The following LSAMP variants were observed in gnomAD, a reference collection of about 807,000 sequenced individuals.
LSAMP encodes the protein limbic system-associated membrane protein.
In LSAMP, 7 loss-of-function variants were observed where a neutral mutation model predicts 38.6. The ratio of observed to expected loss-of-function variants is 0.18; its 90% CI spans 0.10 to 0.34. The LOEUF is 0.34. LSAMP is among the 10% of genes least tolerant of loss of function. LSAMP has a pLI of 1.00. For missense variants in LSAMP, 313 were observed against 420.0 expected (o/e 0.75, Z 2.23); for synonymous variants, 154 against 166.8 (o/e 0.92, Z 0.59).
intron 3 of LSAMP, among the ~76,000 whole-genome samples, chr3:116,002,989 G>A (rs996021475): frequency 6.6e-6 from 1 of 152,146 alleles, no homozygotes; most frequent in Non-Finnish European, 1.5e-5. Context: ...ATTGTTAACT[G>A]TGATAGTATT....
intron 1 of LSAMP, among the ~76,000 whole-genome samples, chr3:116,319,326 T>C (rs2047676197): frequency 6.6e-6 from 1 of 152,220 alleles, no homozygotes; most frequent in African/African-American, 2.4e-5. Context: ...TTGGAGTGAT[T>C]AGTTTCACTA....
intron 1 of LSAMP, among the ~76,000 whole-genome samples, chr3:116,187,857 C>A (rs1710658255): frequency 6.6e-6 from 1 of 152,014 alleles, no homozygotes; most frequent in African/African-American, 2.4e-5. Context: ...AAACTTGTGT[C>A]ATGGGGGTTT....
intron 2 of LSAMP, among the ~76,000 whole-genome samples, chr3:116,023,679 A>C: frequency 6.6e-6 from 1 of 151,042 alleles, no homozygotes; most frequent in Non-Finnish European, 1.5e-5. Context: ...CACATTCACC[A>C]CACTACAATC....
rs1249541875 is a variant in LSAMP at position 115,807,885 on chromosome 3, T to A, written c.*2432A>T. The A allele has an allele frequency of 6.6e-6, 1 of 152,188 alleles. No individual in the cohort carries two copies. The highest frequency in any genetic ancestry group is 1.5e-5 in the Non-Finnish European group (1 of 68,032). The allele number at this position is 152,188 out of a possible 1,614,324, so 9.4% of individuals were successfully genotyped here. On this transcript the variant is annotated 3_prime_UTR_variant, in exon 7 of 7. Coordinates refer to ENST00000490035, the MANE Select transcript of LSAMP (RefSeq NM_002338.5). ...TACCTTCTTGGATGAGAATTTGTTT[T>A]CTCTCCTATGTCAGAATCTGCTATA...
chr3:115,859,533 C>T (rs141375435), intron 3 of LSAMP, among the ~76,000 whole-genome samples: 1 of 152,128 alleles, frequency 6.6e-6, no homozygotes, highest in African/African-American at 2.4e-5. Flanking sequence ...GAAATGTTCC[C>T]TATTTGAATA....
intron 2 of LSAMP, among the ~76,000 whole-genome samples, chr3:116,070,816 G>T (rs1017158590): frequency 6.6e-6 from 1 of 152,020 alleles, no homozygotes; most frequent in African/African-American, 2.4e-5. Flanking sequence ...CAAGGTGGGC[G>T]GATCACCTGA....
chr3:115,997,753 T>TATATAC lies in LSAMP; in HGVS notation c.514+21761_514+21762insGTATAT, dbSNP rs1377845663. Among the ~76,000 whole-genome samples, 566 of 124,530 alleles carry TATATAC rather than the reference T, an allele frequency of 4.5e-3. 6 individuals are homozygous for TATATAC. Among genetic ancestry groups the TATATAC allele is most frequent in the African/African-American group, 7.7e-3 (242 of 31,458 alleles). 81.7% of individuals were successfully genotyped at this position (124,530 alleles called of 152,430 possible). On this transcript the variant is annotated intron_variant, in intron 3 of 6. Coordinates refer to ENST00000490035, the MANE Select transcript of LSAMP (RefSeq NM_002338.5). The stretch of plus-strand genomic sequence containing the variant: ...ATATATATATATATATATATATATA[T>TATATAC]ACACACACATACATACACACACATA...
At chr3:116,203,186 T>A (rs1172836341) in intron 1 of LSAMP, among the ~76,000 whole-genome samples, 1 of 152,198 alleles carries the variant, frequency 6.6e-6, no homozygotes, top group Non-Finnish European at 1.5e-5. Context: ...TTGAGCACGT[T>A]TGTCTTATTC....
chr3:116,089,721 C>T (rs967838794), intron 1 of LSAMP, among the ~76,000 whole-genome samples: 1 of 151,682 alleles, frequency 6.6e-6, no homozygotes, highest in African/African-American at 2.4e-5. Context: ...GAACACAATA[C>T]AGTATAGTGT....
intron 1 of LSAMP, among the ~76,000 whole-genome samples, chr3:116,242,334 T>C (rs1190949052): frequency 6.6e-6 from 1 of 152,144 alleles, no homozygotes; most frequent in Non-Finnish European, 1.5e-5. Flanking sequence ...ACAGCCAAAA[T>C]AGTTTAAAAA....
intron 1 of LSAMP, among the ~76,000 whole-genome samples, chr3:116,203,024 T>C (rs961480253): frequency 4.6e-5 from 7 of 152,240 alleles, no homozygotes; most frequent in Admixed American, 2.6e-4. Flanking sequence ...ATTTTAGAGG[T>C]TCTAAGAGTG....
intron 1 of LSAMP, among the ~76,000 whole-genome samples, chr3:116,239,115 GAATA>G (rs1298313224): frequency 6.6e-6 from 1 of 152,164 alleles, no homozygotes; most frequent in Non-Finnish European, 1.5e-5. Context: ...TCTAAGCCTA[GAATA>G]AAGAGAATCT....
At chr3:116,038,229 C>G (rs771411249) in intron 2 of LSAMP, among the ~76,000 whole-genome samples, 2 of 151,998 alleles carry the variant, frequency 1.3e-5, no homozygotes, top group African/African-American at 2.4e-5. Context: ...AACTTATAGG[C>G]CTTTACAAAT....
At chr3:116,047,833 T>C (rs1172222493) in intron 2 of LSAMP, among the ~76,000 whole-genome samples, 24 of 152,268 alleles carry the variant, frequency 1.6e-4, no homozygotes, top group Admixed American at 1.5e-3. Flanking sequence ...CATTGTCAAA[T>C]AGTTAAATCT....
chr3:115,867,664 G>C (rs1403505622), intron 3 of LSAMP, among the ~76,000 whole-genome samples: 1 of 152,050 alleles, frequency 6.6e-6, no homozygotes, highest in Admixed American at 6.6e-5. Flanking sequence ...AAGAAGAGCA[G>C]GAAGAAAATG....
chr3:116,064,616 G>T (rs1443425032), intron 2 of LSAMP, among the ~76,000 whole-genome samples: 1 of 151,536 alleles, frequency 6.6e-6, no homozygotes, highest in Non-Finnish European at 1.5e-5. Flanking sequence ...AGTATTAACA[G>T]ATACAATTAA....
intron 4 of LSAMP, among the ~76,000 whole-genome samples, chr3:115,845,944 AC>A (rs1171808778): frequency 6.6e-6 from 1 of 152,210 alleles, no homozygotes; most frequent in African/African-American, 2.4e-5. Context: ...ATTTTCTTGT[AC>A]CAGGGTAAAT....
chr3:116,016,974 GC>G (rs1385887654), intron 3 of LSAMP, among the ~76,000 whole-genome samples: 4 of 152,118 alleles, frequency 2.6e-5, no homozygotes, highest in South Asian at 2.1e-4. Flanking sequence ...TGATATTGAA[GC>G]CTCCGGGGTC....
chr3:116,319,259 T>C (rs539421420), intron 1 of LSAMP, among the ~76,000 whole-genome samples: 2 of 152,324 alleles, frequency 1.3e-5, no homozygotes, highest in African/African-American at 2.4e-5. Context: ...AAAATGAGAT[T>C]TTCCTGCAAT....
Sources: gnomAD v4.1 joint callset for allele counts (sites outside exome capture counted in the v4.1 genomes callset) on GRCh38, gnomAD v4.1.1 for gene constraint, MANE v1.5 for transcripts, NCBI Gene and HGNC (gene_info 2026-07-23, HGNC 2026-07-21) for gene names.